CHST11: variants seen among roughly 807,000 people sequenced by gnomAD.
The protein encoded by CHST11 is carbohydrate sulfotransferase 11.
CHST11 carries 9 observed loss-of-function variants against 30.4 expected under a neutral mutation model. The observed-to-expected ratio is 0.30, with a 90% CI of 0.18 to 0.52. The LOEUF is 0.52. Among genes scored for constraint, CHST11 ranks in the 20% least tolerant of loss-of-function variants. The pLI is 0.97. For synonymous variants in CHST11, 152 were observed against 187.8 expected (o/e 0.81, Z 1.56); for missense variants, 348 against 460.6 (o/e 0.76, Z 2.24).
chr12:104,642,258 T>C (rs1189025260), intron 2 of CHST11, among the ~76,000 whole-genome samples: 1 of 152,138 alleles, frequency 6.6e-6, no homozygotes, highest in Non-Finnish European at 1.5e-5. Flanking sequence ...AATGGCAGTA[T>C]GGGAGTATGA....
intron 1 of CHST11, among the ~76,000 whole-genome samples, chr12:104,596,866 G>A (rs949435255): frequency 3.3e-5 from 5 of 152,270 alleles, no homozygotes; most frequent in Admixed American, 6.5e-5. Flanking sequence ...TAAGGTCTCC[G>A]AGTTTCTTCT....
At chr12:104,534,650 A>T (rs894371945) in intron 1 of CHST11, among the ~76,000 whole-genome samples, 5 of 152,116 alleles carry the variant, frequency 3.3e-5, no homozygotes, top group Non-Finnish European at 5.9e-5. Context: ...GGAAGGAAGG[A>T]TTCATCATGT....
intron 2 of CHST11, among the ~76,000 whole-genome samples, chr12:104,719,318 A>C (rs1428076034): frequency 6.6e-6 from 1 of 152,178 alleles, no homozygotes; most frequent in Non-Finnish European, 1.5e-5. Flanking sequence ...GGCTTGCATA[A>C]AGAAATGCCA....
intron 2 of CHST11, among the ~76,000 whole-genome samples, chr12:104,672,347 G>A (rs1191633606): frequency 6.6e-6 from 1 of 152,124 alleles, no homozygotes; most frequent in Admixed American, 6.5e-5. Flanking sequence ...GCTGTCTTGT[G>A]GCAAGTGTCT....
At chr12:104,574,941 C>G (rs2038667941) in intron 1 of CHST11, among the ~76,000 whole-genome samples, 1 of 151,844 alleles carries the variant, frequency 6.6e-6, no homozygotes, top group Non-Finnish European at 1.5e-5. Flanking sequence ...CCTGTAATCC[C>G]AGGTCTTTGG....
rs139137285 is a variant in CHST11, at chr12:104,580,572, C to T, written c.119-21334C>T. Among the ~76,000 whole-genome samples the T allele has an allele frequency of 4.3e-3, 658 of 152,294 alleles. 10 individuals carry two copies. Among genetic ancestry groups the T allele is most frequent in the African/African-American group, 0.014 (593 of 41,556 alleles). On this transcript the variant is annotated intron_variant, in intron 1 of 2. Transcript: ENST00000303694. ...GTAGAAAAATATGTAACTTAACTTT[C>T]AACCTCTATAACAGCTAGGATTGTG... is the stretch of plus-strand genomic sequence containing the variant.
chr12:104,728,106 A>G (rs1486837721), intron 2 of CHST11, among the ~76,000 whole-genome samples: 4 of 152,312 alleles, frequency 2.6e-5, no homozygotes, highest in African/African-American at 9.6e-5. Context: ...GCAATTTCTC[A>G]TTCTCTACAT....
At chr12:104,513,733 C>T (rs2037992852) in intron 1 of CHST11, among the ~76,000 whole-genome samples, 1 of 152,186 alleles carries the variant, frequency 6.6e-6, no homozygotes, top group African/African-American at 2.4e-5. Context: ...GATTCCAATG[C>T]TCGATTCACT....
At chr12:104,705,090 T>C (rs1003973362) in intron 2 of CHST11, among the ~76,000 whole-genome samples, 1 of 152,230 alleles carries the variant, frequency 6.6e-6, no homozygotes, top group Admixed American at 6.5e-5. Flanking sequence ...GAGAAGCCTC[T>C]CTGCTGATTA....
At chr12:104,719,831 C>T (rs2040159584) in intron 2 of CHST11, among the ~76,000 whole-genome samples, 1 of 152,196 alleles carries the variant, frequency 6.6e-6, no homozygotes, top group Non-Finnish European at 1.5e-5. Flanking sequence ...CAGTTACAGG[C>T]ACCACTGTCC....
At chr12:104,664,330 A>T (rs2039623603) in intron 2 of CHST11, among the ~76,000 whole-genome samples, 1 of 152,236 alleles carries the variant, frequency 6.6e-6, no homozygotes, top group Non-Finnish European at 1.5e-5. Flanking sequence ...TTCTTTGATT[A>T]CTTAAGACTT....
chr12:104,530,612 A>G (rs903966538), intron 1 of CHST11, among the ~76,000 whole-genome samples: 5 of 152,244 alleles, frequency 3.3e-5, no homozygotes, highest in African/African-American at 1.2e-4. Context: ...GGAAGAAAAA[A>G]GTCTAGCTAT....
chr12:104,684,295 GA>G (rs2039825496), intron 2 of CHST11, among the ~76,000 whole-genome samples: 1 of 152,048 alleles, frequency 6.6e-6, no homozygotes, highest in Admixed American at 6.5e-5. Flanking sequence ...TGGATGGATG[GA>G]TGGATGGATA....
At chr12:104,499,967 T>C (rs975389223) in intron 1 of CHST11, among the ~76,000 whole-genome samples, 1 of 152,242 alleles carries the variant, frequency 6.6e-6, no homozygotes, top group African/African-American at 2.4e-5. Flanking sequence ...CATACAGCTT[T>C]GCAGTGTTTG....
intron 1 of CHST11, among the ~76,000 whole-genome samples, chr12:104,519,552 A>C (rs530162964): frequency 6.6e-6 from 1 of 152,232 alleles, no homozygotes; most frequent in African/African-American, 2.4e-5. Flanking sequence ...GAATCTAGAA[A>C]AGTGAGATGA....
intron 2 of CHST11, among the ~76,000 whole-genome samples, chr12:104,683,489 T>A (rs1004202436): frequency 5.3e-5 from 8 of 152,184 alleles, no homozygotes; most frequent in Non-Finnish European, 1.0e-4. Flanking sequence ...GTGGCTACAC[T>A]GAACAATTTT....
chr12:104,592,831 T>C (rs1236997447), intron 1 of CHST11, among the ~76,000 whole-genome samples: 2 of 152,138 alleles, frequency 1.3e-5, no homozygotes, highest in Non-Finnish European at 2.9e-5. Flanking sequence ...CTTTCGGAAG[T>C]AGGCATGCTG....
chr12:104,728,113 A>G (rs2040230195), intron 2 of CHST11, among the ~76,000 whole-genome samples: 1 of 152,242 alleles, frequency 6.6e-6, no homozygotes, highest in Admixed American at 6.5e-5. Flanking sequence ...CTCATTCTCT[A>G]CATCAGGAGA....
chr12:104,579,459 G>A (rs917953112), intron 1 of CHST11, among the ~76,000 whole-genome samples: 27 of 152,140 alleles, frequency 1.8e-4, no homozygotes, highest in African/African-American at 6.0e-4. Context: ...CCCTGACCTT[G>A]GATTTCTCAT....
Sources: allele counts gnomAD v4.1 joint callset (sites outside exome capture counted in the v4.1 genomes callset), GRCh38; gene constraint gnomAD v4.1.1; transcripts MANE v1.5; gene names NCBI Gene and HGNC (gene_info 2026-07-23, HGNC 2026-07-21).